The following TTC1 variants were observed in gnomAD, a reference collection of about 807,000 sequenced individuals.
TTC1 encodes tetratricopeptide repeat domain 1, also known as tetratricopeptide repeat protein 1.
In TTC1, 31 loss-of-function variants were observed where a neutral mutation model predicts 37.6. That is an observed-to-expected ratio of 0.82 (90% CI 0.62 to 1.11). The LOEUF is 1.11. TTC1 is among the 50% of genes most tolerant of loss of function. The pLI is 0.00. For synonymous variants in TTC1, 127 were observed against 122.4 expected (o/e 1.04, Z -0.25); for missense variants, 351 against 339.0 (o/e 1.04, Z -0.28).
At chr5:160,032,140 A>G (rs1339473649) in intron 2 of TTC1, among the ~76,000 whole-genome samples, 1 of 152,222 alleles carries the variant, frequency 6.6e-6, no homozygotes, top group Non-Finnish European at 1.5e-5. Flanking sequence ...TTGGTCTCCT[A>G]AAACATGAAC....
Position 160,033,758 on chromosome 5 carries a change from C to T in TTC1, c.331-1382C>T, listed in dbSNP as rs78234789. Among the ~76,000 whole-genome samples, 716 of 152,306 alleles carry T rather than the reference C, an allele frequency of 4.7e-3. 9 individuals are homozygous for T. The highest frequency in any genetic ancestry group is 0.016 in the African/African-American group (676 of 41,576). ...GGAACCGTCCCCATGATCCAGGGTCCGTCCCTTGACCCGTGGGGATATTTG... is the reference window on the plus strand; with the variant it reads ...GGAACCGTCCCCATGATCCAGGGTCTGTCCCTTGACCCGTGGGGATATTTG... On this transcript the variant is annotated intron_variant, in intron 2 of 7. Coordinates refer to ENST00000231238, the MANE Select transcript of TTC1 (RefSeq NM_003314.3).
chr5:160,028,861 T>A (rs761421178), intron 2 of TTC1, among the ~76,000 whole-genome samples: 1 of 152,174 alleles, frequency 6.6e-6, no homozygotes. Flanking sequence ...TTTTGAACTG[T>A]ATAAATAATT....
intron 2 of TTC1, 141 bp from the exon 3 acceptor site, chr5:160,034,999 A>G: frequency 1.7e-6 from 1 of 579,496 alleles, no homozygotes; most frequent in Non-Finnish European, 2.8e-6. Context: ...CTATCACTGT[A>G]CAAGGTTTTG....
chr5:160,018,051 T>A (rs1213389984), intron 2 of TTC1, among the ~76,000 whole-genome samples: 1 of 152,146 alleles, frequency 6.6e-6, no homozygotes, highest in Non-Finnish European at 1.5e-5. Context: ...CCTCAATGTG[T>A]AGTATTAAGA....
chr5:160,027,541 A>G lies in TTC1; in HGVS notation c.331-7599A>G, dbSNP rs116014680. Among the ~76,000 whole-genome samples the G allele has an allele frequency of 7.2e-3, 1,091 of 152,308 alleles. 9 individuals are homozygous for G. The highest frequency in any genetic ancestry group is 0.025 in the African/African-American group (1,029 of 41,562). On this transcript the variant is annotated intron_variant, in intron 2 of 7. Coordinates refer to ENST00000231238, the MANE Select transcript of TTC1 (RefSeq NM_003314.3). The stretch of plus-strand genomic sequence containing the variant: ...ATTAAAGAAGAGAGAAAATAATATT[A>G]GAGTCTTATATCTGCTTACCGTTTC...
chr5:160,037,244 T>C (rs1757012487), intron 4 of TTC1, among the ~76,000 whole-genome samples: 1 of 152,234 alleles, frequency 6.6e-6, no homozygotes, highest in South Asian at 2.1e-4. Flanking sequence ...GTTCAAAGTA[T>C]GGACACTTGG....
intron 5 of TTC1, among the ~76,000 whole-genome samples, chr5:160,043,569 G>A (rs374818267): frequency 6.6e-6 from 1 of 152,180 alleles, no homozygotes; most frequent in Non-Finnish European, 1.5e-5. Context: ...TCCAGCCTGG[G>A]TAACAGAGTG....
chr5:160,048,507 G>A (rs1035206812), intron 5 of TTC1, among the ~76,000 whole-genome samples: 1 of 152,114 alleles, frequency 6.6e-6, no homozygotes, highest in African/African-American at 2.4e-5. Flanking sequence ...TAGAAGAAAT[G>A]CAGTATGTTG....
At chr5:160,034,884 A>G (rs1194383130) in intron 2 of TTC1, among the ~76,000 whole-genome samples, 1 of 152,240 alleles carries the variant, frequency 6.6e-6, no homozygotes, top group Non-Finnish European at 1.5e-5. Context: ...TGCAAAAGAT[A>G]GAAACATAGA....
At chr5:160,032,702 C>CTTTTT (rs70987990) in intron 2 of TTC1, among the ~76,000 whole-genome samples, 1,457 of 74,746 alleles carry the variant, frequency 0.019, 176 homozygotes, top group Non-Finnish European at 0.025. Context: ...TACCTGCTTT[C>CTTTTT]TTTTTTTTTT....
chr5:160,010,953 G>A, intron 2 of TTC1, 95 bp downstream of exon 2: 1 of 1,197,900 alleles, frequency 8.3e-7, no homozygotes, highest in Non-Finnish European at 1.2e-6. Context: ...CTGTGGTAAA[G>A]AATAACTTGC....
At chr5:160,033,998 C>G (rs535526829) in intron 2 of TTC1, among the ~76,000 whole-genome samples, 1 of 152,296 alleles carries the variant, frequency 6.6e-6, no homozygotes, top group African/African-American at 2.4e-5. Flanking sequence ...CACCTATAGT[C>G]CCATCTACTC....
chr5:160,041,000 A>G (rs1396255298), intron 4 of TTC1, among the ~76,000 whole-genome samples: 2 of 151,688 alleles, frequency 1.3e-5, no homozygotes, highest in African/African-American at 4.8e-5. Flanking sequence ...ATGCAAATAC[A>G]CACAGTAGCC....
At chr5:160,050,735 C>T (rs1757379662) in intron 6 of TTC1, among the ~76,000 whole-genome samples, 1 of 151,670 alleles carries the variant, frequency 6.6e-6, no homozygotes, top group Non-Finnish European at 1.5e-5. Flanking sequence ...AAGCAACCCT[C>T]CCACCTCAGC....
intron 6 of TTC1, among the ~76,000 whole-genome samples, chr5:160,050,925 C>G (rs1006520641): frequency 6.6e-6 from 1 of 151,738 alleles, no homozygotes; most frequent in African/African-American, 2.4e-5. Flanking sequence ...TGCACCTGGC[C>G]CAAACAGAAC....
intron 2 of TTC1, among the ~76,000 whole-genome samples, chr5:160,031,512 G>A (rs755195843): frequency 6.6e-6 from 1 of 152,036 alleles, no homozygotes; most frequent in South Asian, 2.1e-4. Context: ...TACTCGGGAG[G>A]CTGAGGCACA....
chr5:160,058,289 T>G (rs887406917), intron 7 of TTC1, among the ~76,000 whole-genome samples: 2 of 152,266 alleles, frequency 1.3e-5, no homozygotes, highest in African/African-American at 4.8e-5. Context: ...AGCAACTTCC[T>G]CCACTGAAGT....
intron 6 of TTC1, 30 bp from the exon 7 acceptor site, chr5:160,051,096 TTTA>T: frequency 6.4e-7 from 1 of 1,552,390 alleles, no homozygotes; most frequent in Non-Finnish European, 8.7e-7. Flanking sequence ...TTTTTTTTTT[TTTA>T]CCAACCCTTG....
chr5:160,039,892 T>C (rs1311634055), intron 4 of TTC1, among the ~76,000 whole-genome samples: 1 of 152,242 alleles, frequency 6.6e-6, no homozygotes, highest in Non-Finnish European at 1.5e-5. Context: ...GAAACCTTTT[T>C]TGTTTTGTTT....
Sources: gnomAD v4.1 joint callset for allele counts (sites outside exome capture counted in the v4.1 genomes callset) on GRCh38, gnomAD v4.1.1 for gene constraint, MANE v1.5 for transcripts, NCBI Gene and HGNC (gene_info 2026-07-23, HGNC 2026-07-21) for gene names.